Variants in PCLO observed in about 807,000 individuals in gnomAD.
PCLO encodes piccolo presynaptic cytomatrix protein, also known as protein piccolo.
PCLO carries 82 observed loss-of-function variants against 427.5 expected under a neutral mutation model. The observed-to-expected ratio is 0.19, with a 90% CI of 0.16 to 0.23. PCLO has a LOEUF of 0.23. Among genes scored for constraint, PCLO ranks in the 10% least tolerant of loss-of-function variants. The probability of loss-of-function intolerance (pLI) is 1.00; values close to 1 mark genes in which losing one functional copy is unlikely to be tolerated. For synonymous variants in PCLO, 2,357 were observed against 2,155.4 expected, an observed-to-expected ratio of 1.09 and a Z score of -2.59; for missense variants, 6,239 against 6,115.9, an observed-to-expected ratio of 1.02 and a Z score of -0.67.
At chr7:82,823,315 C>A (rs1329742539) in intron 19 of PCLO, among the ~76,000 whole-genome samples, 1 of 152,106 alleles carries the variant, frequency 6.6e-6, no homozygotes, top group East Asian at 1.9e-4. Flanking sequence ...TGGACATGGA[C>A]TCACTTTCTC....
chr7:83,138,925 T>C (rs1222203049), intron 2 of PCLO, among the ~76,000 whole-genome samples: 1 of 151,946 alleles, frequency 6.6e-6, no homozygotes, highest in South Asian at 2.1e-4. Context: ...TGTATATCTA[T>C]GTAACACACC....
chr7:82,763,825 T>G (rs1170617117), intron 22 of PCLO, among the ~76,000 whole-genome samples: 2 of 152,132 alleles, frequency 1.3e-5, no homozygotes, highest in African/African-American at 4.8e-5. Flanking sequence ...AGTAGAGAGA[T>G]GTTTACTTTC....
chr7:82,891,043 G>T (rs1311864135), intron 9 of PCLO, among the ~76,000 whole-genome samples: 2 of 152,000 alleles, frequency 1.3e-5, no homozygotes, highest in African/African-American at 2.4e-5. Context: ...TATTACAAAT[G>T]TAATACATTT....
At chr7:82,817,171 A>T (rs1445444533) in intron 20 of PCLO, among the ~76,000 whole-genome samples, 5 of 152,192 alleles carry the variant, frequency 3.3e-5, no homozygotes, top group African/African-American at 1.2e-4. Flanking sequence ...ATTCTCTCAG[A>T]TTTTGTTGGA....
At chr7:83,065,667 G>T (rs1033980916) in intron 3 of PCLO, among the ~76,000 whole-genome samples, 1 of 152,006 alleles carries the variant, frequency 6.6e-6, no homozygotes, top group Admixed American at 6.6e-5. Context: ...AATGAGGAAA[G>T]AGATAAATTT....
At chr7:82,779,156 A>G (rs1472064242) in intron 22 of PCLO, among the ~76,000 whole-genome samples, 1 of 152,138 alleles carries the variant, frequency 6.6e-6, no homozygotes, top group Non-Finnish European at 1.5e-5. Context: ...TTTGTTAGAT[A>G]TATTTCCTGG....
intron 3 of PCLO, among the ~76,000 whole-genome samples, chr7:83,092,155 C>T (rs1232579833): frequency 6.6e-6 from 1 of 151,928 alleles, no homozygotes; most frequent in East Asian, 1.9e-4. Context: ...CTTAGGATGC[C>T]CTAAAGTTGG....
At chr7:82,925,906 A>T (rs1296961678) in intron 6 of PCLO, among the ~76,000 whole-genome samples, 1 of 150,952 alleles carries the variant, frequency 6.6e-6, no homozygotes, top group Non-Finnish European at 1.5e-5. Flanking sequence ...TTTTGTAGAG[A>T]CGGGGTCCCA....
intron 3 of PCLO, among the ~76,000 whole-genome samples, chr7:83,040,351 T>C (rs1474156738): frequency 6.6e-6 from 1 of 152,160 alleles, no homozygotes; most frequent in Non-Finnish European, 1.5e-5. Flanking sequence ...CACCTTGGGA[T>C]AACAGGGGTT....
chr7:83,044,344 TATA>T (rs1465031687), intron 3 of PCLO, among the ~76,000 whole-genome samples: 3 of 152,202 alleles, frequency 2.0e-5, no homozygotes, highest in Non-Finnish European at 4.4e-5. Context: ...AGTGTGCAAG[TATA>T]ATAATTTGTG....
intron 3 of PCLO, among the ~76,000 whole-genome samples, chr7:83,105,360 C>G (rs1790827953): frequency 6.6e-6 from 1 of 152,150 alleles, no homozygotes; most frequent in South Asian, 2.1e-4. Context: ...TACAGTAAGT[C>G]AAGTTTATGA....
chr7:82,920,850 A>T (rs1460928601), intron 6 of PCLO, among the ~76,000 whole-genome samples: 1 of 151,796 alleles, frequency 6.6e-6, no homozygotes, highest in East Asian at 1.9e-4. Flanking sequence ...GAAAAGAAAG[A>T]TCTGTAGTTT....
intron 2 of PCLO, among the ~76,000 whole-genome samples, chr7:83,143,933 T>C (rs989925431): frequency 1.8e-4 from 28 of 152,238 alleles, no homozygotes; most frequent in East Asian, 3.8e-4. Flanking sequence ...TGGAAGTATC[T>C]GAATAGTTTA....
rs1404004609 is a variant in PCLO, at chr7:83,154,837, G to A, written c.1804C>T (p.Pro602Ser). Residue 602 changes from proline to serine, a missense_variant, in exon 2 of 25, where the codon CCA (proline) becomes TCA (serine). Transcript: ENST00000333891. ...CATGTGTTAAAATTGGCCTTTTCTG[G>A]AACATGCAACAGAAGTTCAGTGGTA... ...CNTTELLLHV[P>S]EKANFNTCTE... 6.2e-7 allele frequency: 1 copy of A among 1,613,930 alleles called. No individual in the cohort carries two copies. The highest frequency in any genetic ancestry group is 1.7e-5 in the Admixed American group (1 of 60,028).
intron 3 of PCLO, among the ~76,000 whole-genome samples, chr7:83,098,975 G>A (rs1790664726): frequency 6.6e-6 from 1 of 151,996 alleles, no homozygotes; most frequent in South Asian, 2.1e-4. Flanking sequence ...CAAGAGGAGT[G>A]TGAACAAGGA....
At chr7:82,854,498 A>C (rs1169194455) in intron 10 of PCLO, among the ~76,000 whole-genome samples, 1 of 152,216 alleles carries the variant, frequency 6.6e-6, no homozygotes, top group Non-Finnish European at 1.5e-5. Flanking sequence ...TGCAAATTTT[A>C]TAAATGAATA....
At chr7:83,045,772 G>A (rs758908072) in intron 3 of PCLO, among the ~76,000 whole-genome samples, 1 of 152,068 alleles carries the variant, frequency 6.6e-6, no homozygotes, top group Non-Finnish European at 1.5e-5. Flanking sequence ...CAAAATGATG[G>A]TTGTATAATA....
At chr7:82,934,358 C>T (rs1003649491) in intron 6 of PCLO, among the ~76,000 whole-genome samples, 12 of 151,820 alleles carry the variant, frequency 7.9e-5, no homozygotes, top group Non-Finnish European at 1.0e-4. Flanking sequence ...TGGATCCACT[C>T]ACCTAGGCTT....
intron 10 of PCLO, among the ~76,000 whole-genome samples, chr7:82,862,074 C>G (rs955788571): frequency 2.6e-5 from 4 of 151,578 alleles, no homozygotes; most frequent in Non-Finnish European, 5.9e-5. Context: ...GCAAACCAAA[C>G]CCCAAATTAG....
Sources: allele counts gnomAD v4.1 joint callset (sites outside exome capture counted in the v4.1 genomes callset), GRCh38; gene constraint gnomAD v4.1.1; transcripts MANE v1.5; gene names NCBI Gene and HGNC (gene_info 2026-07-23, HGNC 2026-07-21).